PI4KA: variants seen among roughly 807,000 people sequenced by gnomAD.
The protein encoded by PI4KA is PI4-kinase alpha.
A neutral mutation model predicts 271.4 loss-of-function variants in PI4KA; 122 were observed. That is an observed-to-expected ratio of 0.45 (90% CI 0.39 to 0.52). PI4KA has a LOEUF of 0.52. PI4KA is among the 20% of genes least tolerant of loss of function. The probability of loss-of-function intolerance (pLI) is 0.00; values close to 1 mark genes in which losing one functional copy is unlikely to be tolerated. For synonymous variants in PI4KA, 1,041 were observed against 1,078.8 expected (o/e 0.96, Z 0.69); for missense variants, 1,969 against 2,769.1 (o/e 0.71, Z 6.48).
intron 19 of PI4KA, among the ~76,000 whole-genome samples, chr22:20,792,557 A>G (rs1934711455): frequency 6.6e-6 from 1 of 152,246 alleles, no homozygotes; most frequent in African/African-American, 2.4e-5. Context: ...TATGGAATGA[A>G]AATAAATACT....
chr22:20,773,988 G>A (rs985521742), intron 19 of PI4KA: 1 of 152,222 alleles, frequency 6.6e-6, no homozygotes, highest in East Asian at 1.9e-4. Flanking sequence ...CAGCTGAGGG[G>A]GTTTGTGCTG....
intron 29 of PI4KA, among the ~76,000 whole-genome samples, chr22:20,745,582 C>G (rs1248426127): frequency 6.6e-6 from 1 of 152,046 alleles, no homozygotes; most frequent in African/African-American, 2.4e-5. Flanking sequence ...CATGATTTCT[C>G]TCATGAAATT....
At chr22:20,780,185 C>T in intron 19 of PI4KA, 3 of 1,614,234 alleles carry the variant, frequency 1.9e-6, no homozygotes, top group Non-Finnish European at 2.5e-6. Context: ...TGATTCTCAA[C>T]TGCATCTACT....
At chr22:20,813,269 C>T in intron 8 of PI4KA, 89 bp downstream of exon 8, 2 of 973,494 alleles carry the variant, frequency 2.1e-6, no homozygotes, top group East Asian at 2.4e-5. Context: ...TACTGGTACT[C>T]TGAGTTTTTC....
chr22:20,813,781 G>T (rs888183787), intron 7 of PI4KA, among the ~76,000 whole-genome samples: 4 of 152,246 alleles, frequency 2.6e-5, no homozygotes, highest in Middle Eastern at 3.4e-3. Flanking sequence ...AGTGAAAAAA[G>T]AATTGTATCT....
chr22:20,775,978 T>C (rs1007801104), intron 19 of PI4KA, among the ~76,000 whole-genome samples: 6 of 152,146 alleles, frequency 3.9e-5, no homozygotes, highest in Non-Finnish European at 8.8e-5. Context: ...TTACTCAAAG[T>C]GCCATTCAGA....
At position 20,774,883 on chromosome 22, in the gene PI4KA, T is replaced by TAC. The variant is rs146045726; in HGVS notation, c.2329-9192_2329-9191dup. Among the ~76,000 whole-genome samples the TAC allele has an allele frequency of 6.5e-4, 99 of 151,678 alleles. 2 individuals are homozygous for TAC. In the East Asian group the frequency reaches 0.016, roughly 24 times the overall value. On this transcript the variant is annotated intron_variant, in intron 19 of 54. Coordinates refer to ENST00000255882, the MANE Select transcript of PI4KA (RefSeq NM_058004.4). The stretch of plus-strand genomic sequence containing the variant: ...ATGCCTGTGAGAACACACACGTACG[T>TAC]ACACACACACACAGATAATGACAGG...
rs763565666 is a variant in PI4KA at position 20,807,408 on chromosome 22, G to A, written c.1122C>T (p.Tyr374=). The change falls in exon 10 of 55, where the codon TAC becomes TAT. Residue 374 remains tyrosine, a synonymous_variant. Transcript: ENST00000255882. ...CACGCAGCATCTTGAACATGGTCAG[G>A]TAGAGAGGGTCACTGAAGGAAGTGT... ...LYYTSFSDPL[Y]LTMFKMLRDT... 1.2e-5 allele frequency: 20 copies of A among 1,613,556 alleles called. No individual in the cohort carries two copies. Among genetic ancestry groups the A allele is most frequent in the East Asian group, 2.2e-5 (1 of 44,892 alleles).
intron 15 of PI4KA, 65 bp downstream of exon 15, chr22:20,799,606 A>T: frequency 9.2e-7 from 1 of 1,086,330 alleles, no homozygotes; most frequent in Non-Finnish European, 1.4e-6. Flanking sequence ...GCACAATGCC[A>T]GGTGCCCCAC....
intron 2 of PI4KA, among the ~76,000 whole-genome samples, chr22:20,836,389 C>G (rs1601597015): frequency 6.6e-6 from 1 of 152,190 alleles, no homozygotes; most frequent in Non-Finnish European, 1.5e-5. Flanking sequence ...AGTTTTTTCT[C>G]TAAACCATAA....
chr22:20,758,432 T>G (rs1463044358), intron 23 of PI4KA, among the ~76,000 whole-genome samples: 3 of 149,350 alleles, frequency 2.0e-5, no homozygotes, highest in Admixed American at 1.3e-4. Context: ...ATTATAAGAT[T>G]TTTTGTGTGT....
At chr22:20,833,605 C>T (rs1303822011) in intron 3 of PI4KA, among the ~76,000 whole-genome samples, 1 of 151,782 alleles carries the variant, frequency 6.6e-6, no homozygotes, top group Non-Finnish European at 1.5e-5. Context: ...ACAGCAAAAC[C>T]CATCTTTAGC....
chr22:20,765,566 A>T lies in PI4KA; in HGVS notation c.2437+19T>A. The T allele has an allele frequency of 6.7e-7, 1 of 1,496,924 alleles. No homozygotes were observed. The highest frequency in any genetic ancestry group is 2.3e-5 in the East Asian group (1 of 43,666). 92.7% of individuals were successfully genotyped at this position (1,496,924 alleles called of 1,614,324 possible). A position where few individuals can be genotyped will look rare whatever the true frequency, so the allele number is the denominator to read the frequency against. ...CACTCTGCACTCCGTCTTCACTGGG[A>T]GAGAGATGATCCCCCTACCTGAGCC... On this transcript the variant is annotated intron_variant, in intron 20 of 54. Transcript: ENST00000255882.
At chr22:20,770,959 T>A (rs572280772) in intron 19 of PI4KA, among the ~76,000 whole-genome samples, 1 of 152,106 alleles carries the variant, frequency 6.6e-6, no homozygotes, top group East Asian at 1.9e-4. Flanking sequence ...GTGGGAAGAC[T>A]GCTTGAAGCC....
chr22:20,717,139 G>A (rs1361690548), intron 45 of PI4KA, among the ~76,000 whole-genome samples: 6 of 152,084 alleles, frequency 3.9e-5, no homozygotes, highest in Admixed American at 2.6e-4. Context: ...CCAGCTACTC[G>A]GGAGGCTGAG....
intron 22 of PI4KA, 30 bp from the exon 23 acceptor site, chr22:20,761,416 T>C: frequency 6.9e-7 from 1 of 1,442,966 alleles, no homozygotes; most frequent in Non-Finnish European, 9.8e-7. Flanking sequence ...AAATAAATTT[T>C]GAAAAATCTG....
At chr22:20,729,761 G>T in intron 37 of PI4KA, 50 bp from the exon 38 acceptor site, 1 of 1,568,200 alleles carries the variant, frequency 6.4e-7, no homozygotes, top group Non-Finnish European at 8.7e-7. Context: ...CTACCTGTCT[G>T]CCCTGAGATT....
intron 1 of PI4KA, among the ~76,000 whole-genome samples, chr22:20,851,826 G>A (rs1055074588): frequency 2.6e-5 from 4 of 152,140 alleles, no homozygotes; most frequent in Admixed American, 2.0e-4. Flanking sequence ...TGAAAGTAGC[G>A]TTCTGGCCAA....
At chr22:20,848,866 T>C (rs1926607341) in intron 1 of PI4KA, among the ~76,000 whole-genome samples, 2 of 152,048 alleles carry the variant, frequency 1.3e-5, no homozygotes, top group Non-Finnish European at 2.9e-5. Flanking sequence ...AAAACTTTTG[T>C]ACTTCAAAGA....
Sources: gnomAD v4.1 joint callset for allele counts (sites outside exome capture counted in the v4.1 genomes callset) on GRCh38, gnomAD v4.1.1 for gene constraint, MANE v1.5 for transcripts, NCBI Gene and HGNC (gene_info 2026-07-23, HGNC 2026-07-21) for gene names.